Variants in TP53BP1 observed in about 807,000 individuals in gnomAD.
TP53BP1 encodes tumor protein p53 binding protein 1.
Under a neutral mutation model 200.8 loss-of-function variants are expected in TP53BP1, and 61 were observed. The ratio of observed to expected loss-of-function variants is 0.30; its 90% CI spans 0.25 to 0.38. The LOEUF is 0.38. Among genes scored for constraint, TP53BP1 ranks in the 10% least tolerant of loss-of-function variants. The pLI is 1.00. For missense variants in TP53BP1, 2,144 were observed against 2,371.9 expected, an observed-to-expected ratio of 0.90 and a Z score of 2.00; for synonymous variants, 822 against 844.3, an observed-to-expected ratio of 0.97 and a Z score of 0.46.
At position 43,479,858 on chromosome 15, in the gene TP53BP1, C is replaced by T. The variant is rs759349029; in HGVS notation, c.658+1G>A. The T allele has an allele frequency of 6.2e-7, 1 of 1,613,972 alleles. No homozygotes were observed. Among genetic ancestry groups the T allele is most frequent in the Non-Finnish European group, 8.5e-7 (1 of 1,179,938 alleles). ...CAAATGCCAGAAAACATGTTTCATA[C>T]CAGTATTAGCATCCACATCAGACAG... On this transcript the variant is annotated splice_donor_variant, in intron 6 of 27. Coordinates refer to ENST00000382044, the MANE Select transcript of TP53BP1 (RefSeq NM_001141980.3). LOFTEE classifies it high-confidence loss of function.
In TP53BP1 at chr15:43,456,014, C is replaced by T. The variant is rs1177555208; in HGVS notation, c.2594G>A (p.Ser865Asn). The change falls in exon 12 of 28, where the codon AGT becomes AAT. Residue 865 changes from serine to asparagine, a missense_variant. This residue lies in a region of TP53BP1 where 1,700 missense variants were observed against 1,710.3 expected (regional missense o/e 0.99). Transcript: ENST00000382044. ...TTTTGAGTCTTCTGTTAATGAATTA[C>T]TTGTTTTCTCCTGAGTTTGGGGCTG... Reference protein sequence around the residue: ...LQQPQTQEKTSNSLTEDSKMA... With the variant: ...LQQPQTQEKTNNSLTEDSKMA... The T allele has an allele frequency of 1.2e-6, 2 of 1,614,128 alleles. No homozygotes were observed. Among genetic ancestry groups the T allele is most frequent in the East Asian group, 2.2e-5 (1 of 44,882 alleles).
intron 10 of TP53BP1, among the ~76,000 whole-genome samples, chr15:43,473,041 T>C (rs2046765804): frequency 6.6e-6 from 1 of 152,070 alleles, no homozygotes; most frequent in Admixed American, 6.6e-5. Context: ...CTGCAGACCT[T>C]CGCGGTGAGT....
In TP53BP1 at chr15:43,406,135, A is replaced by G. The variant is rs1359017508; in HGVS notation, c.*1248T>C. ...AAGTTGTTAGATTTTTAAATACTGA[A>G]GATTGCAGGCCCAATTACCCATCTT... On this transcript the variant is annotated 3_prime_UTR_variant, in exon 28 of 28. Transcript: ENST00000382044. The G allele has an allele frequency of 6.6e-6, 1 of 152,114 alleles. No homozygotes were observed. Among genetic ancestry groups the G allele is most frequent in the East Asian group, 1.9e-4 (1 of 5,202 alleles). 9.4% of individuals were successfully genotyped at this position (152,114 alleles called of 1,614,324 possible).
chr15:43,479,557 A>ATAAT, intron 6 of TP53BP1, 31 bp from the exon 7 acceptor site: 1 of 1,591,844 alleles, frequency 6.3e-7, no homozygotes, highest in Non-Finnish European at 8.5e-7. Flanking sequence ...CAGGAAGGAG[A>ATAAT]TAATTAAGTT....
Position 43,491,704 on chromosome 15 carries a change from G to T in TP53BP1, c.336C>A (p.Val112=). 2 of 1,614,012 alleles carry T rather than the reference G, an allele frequency of 1.2e-6. No homozygotes were observed. Among genetic ancestry groups the T allele is most frequent in the South Asian group, 2.2e-5 (2 of 91,038 alleles). The change falls in exon 4 of 28, where the codon GTC becomes GTA. Residue 112 remains valine (V), a synonymous_variant. Transcript: ENST00000382044. ...TGTTTGGCTGAGGTAACTGCTCAAT[G>T]ACCTGACTGATGGAACCACATGTGT... ...NLDTCGSISQ[V]IEQLPQPNRT... is the part of the protein sequence containing the mutation.
intron 11 of TP53BP1, among the ~76,000 whole-genome samples, chr15:43,464,647 T>C (rs545407467): frequency 6.6e-6 from 1 of 152,222 alleles, no homozygotes; most frequent in African/African-American, 2.4e-5. Context: ...CTCATGCCTG[T>C]AATCCCAGCA....
chr15:43,418,394 C>A (rs1461917301), intron 21 of TP53BP1, among the ~76,000 whole-genome samples: 1 of 142,884 alleles, frequency 7.0e-6, no homozygotes, highest in African/African-American at 2.6e-5. Flanking sequence ...CCCAGCTACT[C>A]GGGAGGCTGA....
At chr15:43,508,240 G>C (rs1217233111) in intron 1 of TP53BP1, among the ~76,000 whole-genome samples, 1 of 152,078 alleles carries the variant, frequency 6.6e-6, no homozygotes, top group Non-Finnish European at 1.5e-5. Flanking sequence ...CACGCCTGTA[G>C]TCCCAGCTAC....
chr15:43,437,221 G>C (rs2045819788), intron 16 of TP53BP1, among the ~76,000 whole-genome samples: 1 of 151,868 alleles, frequency 6.6e-6, no homozygotes, highest in Non-Finnish European at 1.5e-5. Flanking sequence ...TTAAATTTGG[G>C]ATGTTAAACA....
At chr15:43,503,091 G>A (rs763292326) in intron 1 of TP53BP1, among the ~76,000 whole-genome samples, 4 of 152,196 alleles carry the variant, frequency 2.6e-5, no homozygotes, top group Non-Finnish European at 4.4e-5. Flanking sequence ...TATCATTTAT[G>A]TACAATTAAA....
chr15:43,405,067 T>C lies in TP53BP1; in HGVS notation c.*2316A>G, dbSNP rs2142906017. 9.2e-6 allele frequency: 9 copies of C among 975,336 alleles called. No homozygotes were observed. In the South Asian group the frequency reaches 1.2e-4, roughly 13 times the overall value. The allele number at this position is 975,336 out of a possible 1,614,324, so 60.4% of individuals were successfully genotyped here. On this transcript the variant is annotated 3_prime_UTR_variant, in exon 28 of 28. Coordinates refer to ENST00000382044, the MANE Select transcript of TP53BP1 (RefSeq NM_001141980.3). The stretch of plus-strand genomic sequence containing the variant: ...AAGCAGATTTTTTTCTAAGCTATTG[T>C]AGCAGAAGAGTCAAAAGAAACTCTT...
At chr15:43,481,479 A>ACACACT in intron 4 of TP53BP1, among the ~76,000 whole-genome samples, 1 of 151,362 alleles carries the variant, frequency 6.6e-6, no homozygotes, top group African/African-American at 2.4e-5. Context: ...ACACACACAC[A>ACACACT]CACACACACA....
chr15:43,405,403 G>T lies in TP53BP1; in HGVS notation c.*1980C>A. 1.6e-6 allele frequency: 1 copy of T among 631,010 alleles called. No individual in the cohort carries two copies. The highest frequency in any genetic ancestry group is 2.8e-6 in the Non-Finnish European group (1 of 358,220). The allele number at this position is 631,010 out of a possible 1,614,324, so 39.1% of individuals were successfully genotyped here. A position where few individuals can be genotyped will look rare whatever the true frequency, so the allele number is the denominator to read the frequency against. On this transcript the variant is annotated 3_prime_UTR_variant, in exon 28 of 28. Coordinates refer to ENST00000382044, the MANE Select transcript of TP53BP1 (RefSeq NM_001141980.3). ...CCTTCCCATCATTCCCATGTGGAAG[G>T]GTCTCTCCCATCAAGGAGAACATGT...
At chr15:43,441,417 G>A in intron 15 of TP53BP1, 109 bp downstream of exon 15, 3 of 763,060 alleles carry the variant, frequency 3.9e-6, no homozygotes, top group Non-Finnish European at 7.0e-6. Context: ...TTATGAAAGA[G>A]TCTCATTTTA....
chr15:43,501,065 T>G (rs2079207002), intron 1 of TP53BP1, among the ~76,000 whole-genome samples: 1 of 152,198 alleles, frequency 6.6e-6, no homozygotes, highest in Non-Finnish European at 1.5e-5. Flanking sequence ...AATTACTGTA[T>G]TTTAAAATCA....
At chr15:43,441,637 G>T in intron 14 of TP53BP1, 54 bp from the exon 15 acceptor site, 1 of 1,218,462 alleles carries the variant, frequency 8.2e-7, no homozygotes, top group Non-Finnish European at 1.2e-6. Flanking sequence ...AATTTAGTTA[G>T]TATCACACCT....
At chr15:43,509,153 C>G (rs1202495611) in intron 1 of TP53BP1, among the ~76,000 whole-genome samples, 2 of 133,144 alleles carry the variant, frequency 1.5e-5, no homozygotes, top group East Asian at 4.4e-4. Flanking sequence ...GCCTGTAAAT[C>G]TCTCCAAGCT....
intron 12 of TP53BP1, among the ~76,000 whole-genome samples, chr15:43,448,865 G>A (rs186704440): frequency 6.6e-6 from 1 of 152,324 alleles, no homozygotes; most frequent in Non-Finnish European, 1.5e-5. Flanking sequence ...CATGGCTCAT[G>A]CCTGTAATCC....
rs1207869121 is a variant in TP53BP1, at chr15:43,421,101, G to T, written c.4174C>A (p.Gln1392Lys). The T allele has an allele frequency of 6.2e-7, 1 of 1,614,086 alleles. No individual in the cohort carries two copies. Among genetic ancestry groups the T allele is most frequent in the Non-Finnish European group, 8.5e-7 (1 of 1,180,042 alleles). ...GGCGTGACTGGAGCCTTCCCTCCCTGTCTGATGCCAAGGCCTGCATCACCA... is the reference window on the plus strand; with the variant it reads ...GGCGTGACTGGAGCCTTCCCTCCCTTTCTGATGCCAAGGCCTGCATCACCA... ...EDGDAGLGIR[Q>K]GGKAPVTPRG... The change falls in exon 20 of 28, where the codon CAG (glutamine) becomes AAG (lysine). Residue 1392 changes from glutamine (Q) to lysine (K), a missense_variant. By Grantham distance (53) the Gln-to-Lys change is moderately conservative. Coordinates refer to ENST00000382044, the MANE Select transcript of TP53BP1 (RefSeq NM_001141980.3).
Sources: allele counts gnomAD v4.1 joint callset (sites outside exome capture counted in the v4.1 genomes callset), GRCh38; gene constraint gnomAD v4.1.1; regional missense constraint gnomAD v4.1.1; transcripts MANE v1.5; gene names NCBI Gene and HGNC (gene_info 2026-07-23, HGNC 2026-07-21).